The following RFX7 variants were observed in gnomAD, a reference collection of about 807,000 sequenced individuals.
RFX7 encodes the protein DNA-binding protein RFX7.
A neutral mutation model predicts 111.8 loss-of-function variants in RFX7; 26 were observed. The ratio of observed to expected loss-of-function variants is 0.23; its 90% CI spans 0.17 to 0.32. The LOEUF is 0.32. Among genes scored for constraint, RFX7 ranks in the 10% least tolerant of loss-of-function variants. RFX7 has a pLI of 1.00. For missense variants in RFX7, 1,573 were observed against 1,772.9 expected (o/e 0.89, Z 2.02); for synonymous variants, 624 against 624.4 (o/e 1.00, Z 0.01).
chr15:56,172,937 A>G (rs1466985578), intron 3 of RFX7, among the ~76,000 whole-genome samples: 4 of 152,228 alleles, frequency 2.6e-5, no homozygotes, highest in African/African-American at 4.8e-5. Flanking sequence ...CATGAACAAA[A>G]TATCAGAAAC....
chr15:56,232,749 A>T lies in RFX7; in HGVS notation c.161+10376T>A, dbSNP rs533560868. On this transcript the variant is annotated intron_variant, in intron 2 of 9. Coordinates refer to ENST00000559447, the MANE Select transcript of RFX7 (RefSeq NM_022841.7). ...CAGATACCCTAAATCATCTCCCCCA[A>T]GTTAAAAGTTCCACAAATCTCTAGG... Among the ~76,000 whole-genome samples, 6 of 152,280 alleles carry T rather than the reference A, an allele frequency of 3.9e-5. No individual in the cohort carries two copies. In the South Asian group the frequency reaches 1.2e-3, roughly 32 times the overall value.
intron 2 of RFX7, among the ~76,000 whole-genome samples, chr15:56,212,317 C>T (rs943253532): frequency 1.3e-5 from 2 of 152,050 alleles, no homozygotes; most frequent in South Asian, 2.1e-4. Flanking sequence ...ACTACAGAGA[C>T]AGTACAAAGA....
At chr15:56,199,615 A>C (rs1288806123) in intron 2 of RFX7, among the ~76,000 whole-genome samples, 1 of 152,182 alleles carries the variant, frequency 6.6e-6, no homozygotes, top group African/African-American at 2.4e-5. Flanking sequence ...TGCACATATA[A>C]TATACTCCTT....
chr15:56,136,505 G>A (rs1183036655), intron 5 of RFX7, among the ~76,000 whole-genome samples: 2 of 135,652 alleles, frequency 1.5e-5, no homozygotes, highest in Non-Finnish European at 1.6e-5. Flanking sequence ...ATCAGCTTAA[G>A]GAGATTTTGG....
intron 2 of RFX7, among the ~76,000 whole-genome samples, chr15:56,203,211 C>G (rs992775177): frequency 6.6e-6 from 1 of 152,102 alleles, no homozygotes; most frequent in Admixed American, 6.5e-5. Context: ...CATATGACAA[C>G]CTGGAACAGA....
intron 2 of RFX7, among the ~76,000 whole-genome samples, chr15:56,224,542 C>T (rs1164390756): frequency 6.7e-6 from 1 of 150,194 alleles, no homozygotes; most frequent in Non-Finnish European, 1.5e-5. Flanking sequence ...TTTTTTAACC[C>T]CACTAATATT....
intron 2 of RFX7, among the ~76,000 whole-genome samples, chr15:56,203,904 T>G (rs1261092579): frequency 6.6e-6 from 1 of 152,186 alleles, no homozygotes; most frequent in Non-Finnish European, 1.5e-5. Flanking sequence ...TTCCTTTACT[T>G]TCTTAATAAA....
At chr15:56,155,061 G>A (rs1267771151) in intron 3 of RFX7, among the ~76,000 whole-genome samples, 1 of 152,134 alleles carries the variant, frequency 6.6e-6, no homozygotes. Flanking sequence ...AAATGAAAAT[G>A]GGAACCACAA....
intron 2 of RFX7, among the ~76,000 whole-genome samples, chr15:56,196,816 C>T (rs1464607492): frequency 2.0e-5 from 3 of 152,154 alleles, no homozygotes; most frequent in Non-Finnish European, 2.9e-5. Context: ...GGGCTCTTAA[C>T]GGTATTTCCA....
In RFX7 at chr15:56,216,404, A is replaced by G. The variant is rs562892204; in HGVS notation, c.161+26721T>C. Reference sequence around the variant, plus strand: ...TGCATCCATTGTATTCAAGTTTTAAAATTTATTGGCATCAAGTTGCTTATA... The same window carrying G: ...TGCATCCATTGTATTCAAGTTTTAAGATTTATTGGCATCAAGTTGCTTATA... On this transcript the variant is annotated intron_variant, in intron 2 of 9. Coordinates refer to ENST00000559447, the MANE Select transcript of RFX7 (RefSeq NM_022841.7). Among the ~76,000 whole-genome samples the G allele has an allele frequency of 5.3e-5, 8 of 152,278 alleles. No homozygotes were observed. The East Asian group carries it at 1.5e-3, about 29-fold the overall frequency.
intron 3 of RFX7, among the ~76,000 whole-genome samples, chr15:56,147,316 G>C (rs376519577): frequency 6.6e-5 from 10 of 152,050 alleles, no homozygotes; most frequent in African/African-American, 1.2e-4. Context: ...TGAAAACATC[G>C]TGCTAAGTGA....
intron 5 of RFX7, among the ~76,000 whole-genome samples, chr15:56,109,401 T>G (rs1310314796): frequency 5.3e-5 from 8 of 152,178 alleles, no homozygotes; most frequent in Admixed American, 2.0e-4. Flanking sequence ...CGCTACAACA[T>G]CCACCTCCCA....
rs549971157 is a variant in RFX7 at position 56,142,919 on chromosome 15, G to C, written c.279-19C>G. The C allele has an allele frequency of 6.2e-7, 1 of 1,611,912 alleles. No homozygotes were observed. The highest frequency in any genetic ancestry group is 2.2e-5 in the East Asian group (1 of 44,842). ...CTGATCACTAATAGAATGAAAACAT[G>C]TTTTAGCTGACCAGACAGCAATTCA... On this transcript the variant is annotated intron_variant, in intron 4 of 9. Transcript: ENST00000559447.
chr15:56,243,053 G>GCCCCCCCC, intron 2 of RFX7, 72 bp downstream of exon 2: 1 of 519,404 alleles, frequency 1.9e-6, no homozygotes, highest in Non-Finnish European at 3.3e-6. Context: ...CCCCCCGCCC[G>GCCCCCCCC]CCGCCCCCCA....
At chr15:56,207,457 A>T (rs566648989) in intron 2 of RFX7, among the ~76,000 whole-genome samples, 140 of 152,292 alleles carry the variant, frequency 9.2e-4, no homozygotes, top group African/African-American at 3.2e-3. Flanking sequence ...TACTATAATT[A>T]AAACAAATTT....
In RFX7 at chr15:56,092,919, C is replaced by G. The variant is rs2041615394; in HGVS notation, c.*426G>C. 1.3e-5 allele frequency: 2 copies of G among 157,030 alleles called. No individual in the cohort carries two copies. Among genetic ancestry groups the G allele is most frequent in the African/African-American group, 4.8e-5 (2 of 41,474 alleles). The allele number at this position is 157,030 out of a possible 1,614,324, so 9.7% of individuals were successfully genotyped here. A position where few individuals can be genotyped will look rare whatever the true frequency, so the allele number is the denominator to read the frequency against. ...TTATCCCTGTTTCAAGGAAGACTTT[C>G]TTGTCTACAGTTCACCCTAGCTATG... is the stretch of plus-strand genomic sequence containing the variant. On this transcript the variant is annotated 3_prime_UTR_variant, in exon 10 of 10. Transcript: ENST00000559447.
Position 56,200,973 on chromosome 15 carries a change from A to G in RFX7, c.162-21670T>C, listed in dbSNP as rs539486010. On this transcript the variant is annotated intron_variant, in intron 2 of 9. Coordinates refer to ENST00000559447, the MANE Select transcript of RFX7 (RefSeq NM_022841.7). Reference sequence around the variant, plus strand: ...GAAAAGCATTAAACCAGCCCATGGTATTAGGTGCTTAAATGATTATAAAAA... The same window carrying G: ...GAAAAGCATTAAACCAGCCCATGGTGTTAGGTGCTTAAATGATTATAAAAA... 5.9e-5 allele frequency among the ~76,000 whole-genome samples: 9 copies of G among 152,048 alleles called. No homozygotes were observed. The East Asian group carries it at 1.5e-3, about 26-fold the overall frequency.
rs1435877534 is a variant in RFX7, at chr15:56,093,983, T to C, written c.3745A>G (p.Ile1249Val). Residue 1249 changes from isoleucine (I) to valine (V), a missense_variant, in exon 10 of 10, where the codon ATA (isoleucine) becomes GTA (valine). Transcript: ENST00000559447. ...ALQKQANSKK[I>V]TNVLLSKLDS... ...AGTTTACTCAACAAAACATTGGTTA[T>C]TTTTTTACTGTTTGCTTGCTTCTGA... 6 of 1,613,860 alleles carry C rather than the reference T, an allele frequency of 3.7e-6. No individual in the cohort carries two copies. Among genetic ancestry groups the C allele is most frequent in the African/African-American group, 1.3e-5 (1 of 74,920 alleles).
intron 5 of RFX7, among the ~76,000 whole-genome samples, chr15:56,135,626 C>A (rs1358887557): frequency 6.6e-6 from 1 of 152,004 alleles, no homozygotes; most frequent in Admixed American, 6.6e-5. Context: ...TTAATTAGAT[C>A]CCATTTGTCA....
Sources: allele counts gnomAD v4.1 joint callset (sites outside exome capture counted in the v4.1 genomes callset), GRCh38; gene constraint gnomAD v4.1.1; transcripts MANE v1.5; gene names NCBI Gene and HGNC (gene_info 2026-07-23, HGNC 2026-07-21).